The following PUDP variants were observed in gnomAD, a reference collection of about 807,000 sequenced individuals.
PUDP encodes pseudouridine-5'-phosphatase.
In PUDP, 8 loss-of-function variants were observed where a neutral mutation model predicts 9.4. That is an observed-to-expected ratio of 0.85 (90% CI 0.50 to 1.53). PUDP has a LOEUF of 1.53. Among genes scored for constraint, PUDP ranks in the 40% most tolerant of loss-of-function variants. The pLI, the probability that PUDP is intolerant of heterozygous loss-of-function variation, is 0.00. For synonymous variants in PUDP, 99 were observed against 80.7 expected (o/e 1.23, Z -1.22); for missense variants, 188 against 189.7 (o/e 0.99, Z 0.05).
chrX:7,008,673 C>T (rs1206579343), intron 1 of PUDP, among the ~76,000 whole-genome samples: 1 of 111,987 alleles, frequency 8.9e-6, no homozygotes, highest in African/African-American at 3.3e-5. Flanking sequence ...TTCTCTTTAC[C>T]ATAACCCATG....
intron 3 of PUDP, among the ~76,000 whole-genome samples, chrX:6,825,469 C>T (rs376269399): frequency 1.8e-5 from 2 of 111,337 alleles, no homozygotes; most frequent in East Asian, 5.7e-4. Flanking sequence ...GAAAGGAGGT[C>T]CCCTGGCAGA....
At chrX:6,783,630 A>G (rs1004091350) in intron 3 of PUDP, among the ~76,000 whole-genome samples, 9 of 112,170 alleles carry the variant, frequency 8.0e-5, no homozygotes, top group Admixed American at 3.8e-4. Context: ...AAATTAAGTC[A>G]TGAATGGACT....
At chrX:7,042,143 A>G (rs1449659336) in intron 1 of PUDP, among the ~76,000 whole-genome samples, 1 of 108,636 alleles carries the variant, frequency 9.2e-6, no homozygotes, top group Non-Finnish European at 1.9e-5. Context: ...AGTAAGACCC[A>G]TCTTCCCCTA....
chrX:6,751,139 C>G (rs894945913), intron 3 of PUDP, among the ~76,000 whole-genome samples: 17 of 98,764 alleles, frequency 1.7e-4, no homozygotes, highest in African/African-American at 5.4e-4. Flanking sequence ...GAGAATCCGT[C>G]TAAAAAAAAG....
intron 3 of PUDP, among the ~76,000 whole-genome samples, chrX:6,900,530 A>AGAGAGG: frequency 9.2e-6 from 1 of 109,191 alleles, no homozygotes; most frequent in East Asian, 2.9e-4. Flanking sequence ...AGAGAGAAAG[A>AGAGAGG]GAGAGGGAGA....
At chrX:7,109,184 C>T (rs1338799342) in intron 1 of PUDP, among the ~76,000 whole-genome samples, 1 of 112,068 alleles carries the variant, frequency 8.9e-6, no homozygotes, top group Non-Finnish European at 1.9e-5. Flanking sequence ...GTTACCCAGG[C>T]ATGAGCGCTC....
rs748546939 is a variant in PUDP, at chrX:6,956,194, C to T, written c.*247+20939G>A. Among the ~76,000 whole-genome samples the T allele has an allele frequency of 7.2e-5, 8 of 110,367 alleles. No homozygotes were observed. The East Asian group carries it at 1.1e-3, about 16-fold the overall frequency. On this transcript the variant is annotated intron_variant and NMD_transcript_variant, in intron 3 of 3. Transcript: ENST00000655425. Reference sequence around the variant, plus strand: ...CCTCCCAAGTAGCTGGGACTACAGGCGCATGCCACCACGCCCAGCTAACTT... The same window carrying T: ...CCTCCCAAGTAGCTGGGACTACAGGTGCATGCCACCACGCCCAGCTAACTT...
intron 3 of PUDP, among the ~76,000 whole-genome samples, chrX:6,810,088 CA>C (rs35475170): frequency 0.47 from 46,238 of 98,984 alleles, 9,298 homozygotes; most frequent in East Asian, 0.73. Context: ...AAACGAAAAC[CA>C]AAAAAAAAAA....
chrX:6,751,066 G>A (rs972806792), intron 3 of PUDP, among the ~76,000 whole-genome samples: 3 of 109,662 alleles, frequency 2.7e-5, no homozygotes, highest in Non-Finnish European at 3.8e-5. Flanking sequence ...GGTGTGAACC[G>A]GGGAGGCGGA....
At chrX:6,934,587 T>G (rs1251533011) in intron 3 of PUDP, among the ~76,000 whole-genome samples, 4 of 106,582 alleles carry the variant, frequency 3.8e-5, no homozygotes, top group African/African-American at 1.4e-4. Flanking sequence ...ACGAGCAAAA[T>G]AACCAGCTAA....
At chrX:6,866,133 A>G (rs1404300045) in intron 3 of PUDP, among the ~76,000 whole-genome samples, 2 of 109,941 alleles carry the variant, frequency 1.8e-5, no homozygotes, top group Non-Finnish European at 3.8e-5. Flanking sequence ...TATGTTGCCT[A>G]AGCTGGTCTT....
intron 2 of PUDP, among the ~76,000 whole-genome samples, chrX:7,103,857 AC>A (rs1230662231): frequency 8.9e-6 from 1 of 112,357 alleles, no homozygotes; most frequent in East Asian, 2.8e-4. Flanking sequence ...ATCAACTCAC[AC>A]CCATTAGGAT....
At chrX:7,053,429 G>C (rs935417193) in intron 3 of PUDP, among the ~76,000 whole-genome samples, 1 of 111,663 alleles carries the variant, frequency 9.0e-6, no homozygotes, top group African/African-American at 3.3e-5. Context: ...CACGTGTTGT[G>C]GGAGGGACCT....
At chrX:7,139,533 C>T (rs1932775995) in intron 1 of PUDP, among the ~76,000 whole-genome samples, 1 of 96,601 alleles carries the variant, frequency 1.0e-5, no homozygotes, top group African/African-American at 3.9e-5. Context: ...GCTTCTCTTC[C>T]ATGTGCATGG....
At chrX:6,873,395 C>T (rs1386755845) in intron 3 of PUDP, among the ~76,000 whole-genome samples, 2 of 111,795 alleles carry the variant, frequency 1.8e-5, no homozygotes, top group African/African-American at 6.5e-5. Flanking sequence ...ATTGAGTAAA[C>T]ATTTGCTTCA....
chrX:6,879,242 A>G (rs1400482305), intron 3 of PUDP, among the ~76,000 whole-genome samples: 2 of 112,197 alleles, frequency 1.8e-5, no homozygotes, highest in Non-Finnish European at 3.8e-5. Context: ...ATGCTCAAAA[A>G]GACTTCTGCA....
chrX:6,923,425 C>A (rs1928054573), intron 3 of PUDP, among the ~76,000 whole-genome samples: 1 of 112,050 alleles, frequency 8.9e-6, no homozygotes. Context: ...GAAGACATAT[C>A]CAAAACCAAG....
At chrX:6,972,797 T>C (rs1042698214) in intron 3 of PUDP, among the ~76,000 whole-genome samples, 2 of 112,165 alleles carry the variant, frequency 1.8e-5, no homozygotes, top group East Asian at 5.6e-4. Flanking sequence ...AGCTCCTCTT[T>C]GTACCTCTGG....
chrX:6,775,723 A>G (rs1005346096), intron 3 of PUDP, among the ~76,000 whole-genome samples: 2 of 110,431 alleles, frequency 1.8e-5, no homozygotes, highest in African/African-American at 3.3e-5. Flanking sequence ...ATGAGGGTGG[A>G]GCCCTTATGA....
Sources: gnomAD v4.1 joint callset for allele counts (sites outside exome capture counted in the v4.1 genomes callset) on GRCh38, gnomAD v4.1.1 for gene constraint, MANE v1.5 for transcripts, NCBI Gene and HGNC (gene_info 2026-07-23, HGNC 2026-07-21) for gene names.